YAF2: variants seen among roughly 807,000 people sequenced by gnomAD.
YAF2 encodes the protein YY1-associated factor 2.
Under a neutral mutation model 20.1 loss-of-function variants are expected in YAF2, and 7 were observed. The observed-to-expected ratio is 0.35, with a 90% CI of 0.20 to 0.65. The LOEUF is 0.65. Among genes scored for constraint, YAF2 ranks in the 30% least tolerant of loss-of-function variants. The pLI, the probability that YAF2 is intolerant of heterozygous loss-of-function variation, is 0.69. For missense variants in YAF2, 151 were observed against 219.2 expected (o/e 0.69, Z 1.96); for synonymous variants, 74 against 76.0 (o/e 0.97, Z 0.14).
rs1278512109 is a variant in YAF2 at position 42,228,269 on chromosome 12, G to A, written c.152+9330C>T. Among the ~76,000 whole-genome samples the A allele has an allele frequency of 1.2e-4, 5 of 40,776 alleles. 1 individual carries two copies. In the East Asian group the frequency reaches 5.4e-3, roughly 44 times the overall value. 26.8% of individuals were successfully genotyped at this position (40,776 alleles called of 152,430 possible). On this transcript the variant is annotated intron_variant, in intron 2 of 3. Transcript: ENST00000534854. ...GTGGGGGTGTCGGCCCCCCGCCCGC[G>A]CCAGCCGCCCCGTCCGGGAGGGAGG...
intron 2 of YAF2, among the ~76,000 whole-genome samples, chr12:42,222,619 G>A (rs2067553374): frequency 6.6e-6 from 1 of 152,090 alleles, no homozygotes; most frequent in African/African-American, 2.4e-5. Context: ...TTCAATACTT[G>A]AAAAATCATC....
chr12:42,230,076 G>A (rs2067933468), intron 2 of YAF2, among the ~76,000 whole-genome samples: 1 of 152,118 alleles, frequency 6.6e-6, no homozygotes, highest in African/African-American at 2.4e-5. Flanking sequence ...GGCCAACATG[G>A]TGAAACCCTG....
At chr12:42,200,647 T>C (rs2066875157) in intron 2 of YAF2, among the ~76,000 whole-genome samples, 1 of 152,206 alleles carries the variant, frequency 6.6e-6, no homozygotes, top group Non-Finnish European at 1.5e-5. Context: ...CCTTTCACCA[T>C]CATCAGTGTA....
chr12:42,182,532 A>G (rs756061608), intron 2 of YAF2, among the ~76,000 whole-genome samples: 11 of 152,246 alleles, frequency 7.2e-5, no homozygotes, highest in Non-Finnish European at 1.3e-4. Flanking sequence ...TATCATTGGA[A>G]AAGATGAGCT....
intron 2 of YAF2, among the ~76,000 whole-genome samples, chr12:42,196,227 G>GAAAAAAAAAAAAAAA: frequency 1.3e-5 from 1 of 74,510 alleles, no homozygotes; most frequent in Non-Finnish European, 2.5e-5. Flanking sequence ...AATCCATCTG[G>GAAAAAAAAAAAAAAA]AAAAAAAAAA....
At chr12:42,183,769 AAC>A (rs1166874062) in intron 2 of YAF2, among the ~76,000 whole-genome samples, 2 of 152,260 alleles carry the variant, frequency 1.3e-5, no homozygotes, top group African/African-American at 2.4e-5. Context: ...TACACTAAAC[AAC>A]AGATTTTCAA....
At chr12:42,173,563 G>T (rs543269323) in intron 2 of YAF2, among the ~76,000 whole-genome samples, 1 of 152,022 alleles carries the variant, frequency 6.6e-6, no homozygotes, top group Non-Finnish European at 1.5e-5. Context: ...CTTCCTCTTA[G>T]CCAACTAAAC....
chr12:42,213,950 C>T (rs2067282171), intron 2 of YAF2, among the ~76,000 whole-genome samples: 2 of 152,142 alleles, frequency 1.3e-5, no homozygotes, highest in Non-Finnish European at 2.9e-5. Context: ...TTAATACGCC[C>T]CATTATCTTT....
chr12:42,201,831 C>G (rs542672899), intron 2 of YAF2, among the ~76,000 whole-genome samples: 19 of 152,280 alleles, frequency 1.2e-4, no homozygotes, highest in African/African-American at 4.3e-4. Context: ...CTTGGTCTCC[C>G]CAGATTGATG....
chr12:42,184,502 G>T (rs894084537), intron 2 of YAF2, among the ~76,000 whole-genome samples: 1 of 152,016 alleles, frequency 6.6e-6, no homozygotes, highest in African/African-American at 2.4e-5. Flanking sequence ...TAGAGACAGG[G>T]TTTCACCATG....
chr12:42,197,840 G>A (rs1354339480), intron 2 of YAF2, among the ~76,000 whole-genome samples: 1 of 152,102 alleles, frequency 6.6e-6, no homozygotes, highest in Non-Finnish European at 1.5e-5. Flanking sequence ...ACTAGTATTA[G>A]AAGTTATAAA....
At position 42,158,602 on chromosome 12, in the gene YAF2, A is replaced by AACAGG. The variant is rs1315095146; in HGVS notation, c.*1982_*1986dup. On this transcript the variant is annotated 3_prime_UTR_variant, in exon 4 of 4. Transcript: ENST00000534854. ...TAATTTAAGCTCATTTCCATTCTAC[A>AACAGG]ACAGGATTCAAACATGAGGTGTCAG... 12 of 152,182 alleles carry AACAGG rather than the reference A, an allele frequency of 7.9e-5. No individual in the cohort carries two copies. Among genetic ancestry groups the AACAGG allele is most frequent in the African/African-American group, 2.9e-4 (12 of 41,454 alleles). 9.4% of individuals were successfully genotyped at this position (152,182 alleles called of 1,614,324 possible).
intron 1 of YAF2, 196 bp from the exon 2 acceptor site, chr12:42,237,920 C>A: frequency 2.1e-6 from 1 of 465,962 alleles, no homozygotes; most frequent in Non-Finnish European, 2.9e-6. Context: ...CGGCCGCAGT[C>A]GCCGCCGCCA....
At chr12:42,165,665 G>T (rs1279101080) in intron 2 of YAF2, among the ~76,000 whole-genome samples, 3 of 150,610 alleles carry the variant, frequency 2.0e-5, no homozygotes, top group Non-Finnish European at 3.0e-5. Context: ...TAGAGACGGG[G>T]TTTCACTGTG....
intron 2 of YAF2, among the ~76,000 whole-genome samples, chr12:42,196,184 G>A (rs1592223119): frequency 3.7e-5 from 5 of 135,186 alleles, no homozygotes; most frequent in South Asian, 2.3e-4. Context: ...CCGAGATCAC[G>A]CCACTGCACT....
At chr12:42,211,599 G>A (rs2067211934) in intron 2 of YAF2, among the ~76,000 whole-genome samples, 1 of 151,834 alleles carries the variant, frequency 6.6e-6, no homozygotes. Context: ...ACAAAAAGTA[G>A]CCAGGTGTGG....
At chr12:42,221,150 T>G (rs1313451662) in intron 2 of YAF2, among the ~76,000 whole-genome samples, 1 of 152,216 alleles carries the variant, frequency 6.6e-6, no homozygotes, top group Non-Finnish European at 1.5e-5. Flanking sequence ...TTATAAGTAG[T>G]AGGTCTAATG....
At chr12:42,233,454 G>C in intron 2 of YAF2, 1 of 979,956 alleles carries the variant, frequency 1.0e-6, no homozygotes, top group Non-Finnish European at 1.2e-6. Flanking sequence ...ATCACACATT[G>C]ATTATCACCC....
intron 3 of YAF2, chr12:42,161,344 AAAAAC>A (rs563564093): frequency 1.1e-4 from 34 of 306,114 alleles, no homozygotes; most frequent in East Asian, 1.6e-4. Flanking sequence ...TTCTTAAGGG[AAAAAC>A]AAAACAAAAC....
Sources: allele counts gnomAD v4.1 joint callset (sites outside exome capture counted in the v4.1 genomes callset), GRCh38; gene constraint gnomAD v4.1.1; transcripts MANE v1.5; gene names NCBI Gene and HGNC (gene_info 2026-07-23, HGNC 2026-07-21).